Variants in DCAF6 observed in about 807,000 individuals in gnomAD.
DCAF6 encodes the protein DDB1- and CUL4-associated factor 6.
In DCAF6, 54 loss-of-function variants were observed where a neutral mutation model predicts 125.1. That is an observed-to-expected ratio of 0.43 (90% confidence interval 0.35 to 0.54). The LOEUF is 0.54. Among genes scored for constraint, DCAF6 ranks in the 20% least tolerant of loss-of-function variants. The pLI, the probability that DCAF6 is intolerant of heterozygous loss-of-function variation, is 0.01. For synonymous variants in DCAF6, 371 were observed against 390.4 expected (o/e 0.95, Z 0.58); for missense variants, 934 against 1,161.7 (o/e 0.80, Z 2.85).
At chr1:167,936,545 C>G (rs1418786320), upstream of DCAF6, 1 of 275,626 alleles carries the variant, frequency 3.6e-6, no homozygotes, top group Non-Finnish European at 7.0e-6. Flanking sequence ...GCCTCAGTCC[C>G]CAGGGTGGTC....
chr1:167,920,242 G>GT, the DCAF6 span: 1 of 601,598 alleles, frequency 1.7e-6, no homozygotes, highest in Middle Eastern at 4.5e-4. Context: ...CTGTAACTTA[G>GT]TGTCACAGAA....
chr1:167,936,858 C>G lies in DCAF6; in HGVS notation c.-54C>G. The G allele has an allele frequency of 7.0e-7, 1 of 1,428,748 alleles. No homozygotes were observed. Among genetic ancestry groups the G allele is most frequent in the Non-Finnish European group, 9.6e-7 (1 of 1,038,596 alleles). 88.5% of individuals were successfully genotyped at this position (1,428,748 alleles called of 1,614,324 possible). ...GTGTTGAAACGGGTGTCCCCTCCCC[C>G]TCCTCCCCTCCCCCACGCGGTGGTC... On this transcript the variant is annotated 5_prime_UTR_variant, in exon 1 of 22. Transcript: ENST00000367840.
At chr1:168,035,532 T>G (rs1687693744) in intron 12 of DCAF6, among the ~76,000 whole-genome samples, 1 of 152,212 alleles carries the variant, frequency 6.6e-6, no homozygotes, top group Non-Finnish European at 1.5e-5. Context: ...CACTGTTTAC[T>G]TAAGTGTAGG....
Position 167,982,034 on chromosome 1 carries a change from TTTTGTTTCTTGACTTTTTAATAATA to T in DCAF6, c.439-5460_439-5436del, listed in dbSNP as rs1388655225. 5.3e-5 allele frequency among the ~76,000 whole-genome samples: 8 copies of T among 152,326 alleles called. No homozygotes were observed. The East Asian group carries it at 1.5e-3, about 29-fold the overall frequency. On this transcript the variant is annotated intron_variant, in intron 4 of 21. Transcript: ENST00000367840. ...TTTTCTCTGCGGCCTCACCAGCAAC[TTTTGTTTCTTGACTTTTTAATAATA>T]GCCATTCTCACTCATATGAGATGGT...
At chr1:168,017,829 G>A (rs762333476) in intron 11 of DCAF6, among the ~76,000 whole-genome samples, 18 of 152,084 alleles carry the variant, frequency 1.2e-4, no homozygotes, top group Middle Eastern at 3.4e-3. Flanking sequence ...AAGAATGTGC[G>A]TTTCTCATAT....
chr1:168,024,457 AG>A (rs987862425), intron 12 of DCAF6, among the ~76,000 whole-genome samples: 3 of 152,206 alleles, frequency 2.0e-5, no homozygotes, highest in African/African-American at 7.2e-5. Flanking sequence ...AGAAATATTC[AG>A]AAACTAATTT....
the DCAF6 span, among the ~76,000 whole-genome samples, chr1:167,876,628 T>C: frequency 0.33 from 50,446 of 152,046 alleles, 9,446 homozygotes; most frequent in African/African-American, 0.5. Context: ...TTTCTCCACT[T>C]TTATCTGCAG....
intron 2 of DCAF6, among the ~76,000 whole-genome samples, chr1:167,960,302 T>C (rs1169638294): frequency 6.6e-6 from 1 of 151,950 alleles, no homozygotes; most frequent in Non-Finnish European, 1.5e-5. Flanking sequence ...TATTTATTTA[T>C]TTATTTATTT....
the DCAF6 span, among the ~76,000 whole-genome samples, chr1:167,882,484 C>CA: frequency 0.012 from 871 of 71,004 alleles, 13 homozygotes; most frequent in East Asian, 0.12. Flanking sequence ...GATTCCGTCT[C>CA]AAAAAAAAAA....
chr1:167,922,922 C>T, the DCAF6 span, among the ~76,000 whole-genome samples: 3 of 152,142 alleles, frequency 2.0e-5, no homozygotes, highest in Non-Finnish European at 4.4e-5. Context: ...AGAATATACA[C>T]AACTGACCAA....
chr1:167,888,454 T>C, the DCAF6 span, among the ~76,000 whole-genome samples: 21 of 152,174 alleles, frequency 1.4e-4, no homozygotes, highest in Admixed American at 4.6e-4. Flanking sequence ...CAACATTTTA[T>C]AGTTTTCACG....
intron 11 of DCAF6, among the ~76,000 whole-genome samples, chr1:168,021,507 TAAG>T (rs548311932): frequency 4.0e-4 from 61 of 152,284 alleles, no homozygotes; most frequent in Non-Finnish European, 8.2e-4. Flanking sequence ...GAAGGCATCT[TAAG>T]AAAGTAAAGC....
chr1:167,949,751 T>G (rs576123554), intron 1 of DCAF6, among the ~76,000 whole-genome samples: 17 of 152,354 alleles, frequency 1.1e-4, no homozygotes, highest in Admixed American at 1.0e-3. Flanking sequence ...GGCCAGACTC[T>G]TCACAGCTTT....
At chr1:168,026,837 A>T (rs1032390883) in intron 12 of DCAF6, among the ~76,000 whole-genome samples, 2 of 152,096 alleles carry the variant, frequency 1.3e-5, no homozygotes, top group African/African-American at 4.8e-5. Context: ...AAAGGTAAGG[A>T]ATCATTAGTT....
intron 7 of DCAF6, among the ~76,000 whole-genome samples, chr1:167,999,733 AT>A (rs1682312724): frequency 6.6e-6 from 1 of 152,072 alleles, no homozygotes; most frequent in Non-Finnish European, 1.5e-5. Context: ...CTTTAAAGAG[AT>A]TTAGCGCCTT....
chr1:167,998,702 C>T (rs765856852), intron 7 of DCAF6: 3 of 153,122 alleles, frequency 2.0e-5, no homozygotes, highest in Non-Finnish European at 2.9e-5. Flanking sequence ...CTCAAGAAAC[C>T]ACTTTCTTTG....
intron 6 of DCAF6, among the ~76,000 whole-genome samples, chr1:167,991,831 G>A (rs991725349): frequency 8.6e-5 from 13 of 152,018 alleles, no homozygotes; most frequent in Non-Finnish European, 1.6e-4. Flanking sequence ...TTTCCTCTTA[G>A]GGCACTAGTC....
chr1:167,885,850 G>A, the DCAF6 span, among the ~76,000 whole-genome samples: 29 of 152,070 alleles, frequency 1.9e-4, no homozygotes, highest in Non-Finnish European at 3.5e-4. Context: ...TCCTGATCTC[G>A]TGACTTGCCC....
chr1:168,015,653 G>A (rs528945170), intron 10 of DCAF6, 128 bp from the exon 11 acceptor site: 3 of 763,440 alleles, frequency 3.9e-6, no homozygotes, highest in South Asian at 7.8e-5. Context: ...TCAGTAATTT[G>A]TTTATAGTAT....
Sources: gnomAD v4.1 joint callset for allele counts (sites outside exome capture counted in the v4.1 genomes callset) on GRCh38, gnomAD v4.1.1 for gene constraint, MANE v1.5 for transcripts, NCBI Gene and HGNC (gene_info 2026-07-23, HGNC 2026-07-21) for gene names.